ACOT11: variants seen among roughly 807,000 people sequenced by gnomAD.
The protein encoded by ACOT11 is acyl-coenzyme A thioesterase 11.
In ACOT11, 69 loss-of-function variants were observed where a neutral mutation model predicts 77.5. That is an observed-to-expected ratio of 0.89 (90% CI 0.73 to 1.09). The LOEUF is 1.09. ACOT11 is among the 50% of genes least tolerant of loss of function. The probability of loss-of-function intolerance (pLI) is 0.00; values close to 1 mark genes in which losing one functional copy is unlikely to be tolerated. For missense variants in ACOT11, 766 were observed against 813.7 expected (o/e 0.94, Z 0.71); for synonymous variants, 279 against 313.0 (o/e 0.89, Z 1.15).
In ACOT11 at chr1:54,616,332, G is replaced by A. The variant is rs146057570; in HGVS notation, c.1629+8264G>A. Among the ~76,000 whole-genome samples the A allele has an allele frequency of 1.8e-3, 275 of 151,978 alleles. 7 individuals are homozygous for A. Among genetic ancestry groups the A allele is most frequent in the Non-Finnish European group, 1.0e-4 (7 of 67,994 alleles). Reference sequence around the variant, plus strand: ...TTCCATCATAGTTTCACATTTCGATGATTTTTTTTCTTCCATTTTCTTCTA... The same window carrying A: ...TTCCATCATAGTTTCACATTTCGATAATTTTTTTTCTTCCATTTTCTTCTA... On this transcript the variant is annotated intron_variant, in intron 15 of 16. Transcript: ENST00000371316.
At chr1:54,569,123 A>AAT (rs1653845185) in intron 1 of ACOT11, among the ~76,000 whole-genome samples, 3 of 144,326 alleles carry the variant, frequency 2.1e-5, no homozygotes, top group African/African-American at 8.2e-5. Context: ...GAAAAAAAAA[A>AAT]AATAATTTTT....
exon 17 of ACOT11, chr1:54,634,825 T>TC: frequency 3.1e-6 from 2 of 650,342 alleles, no homozygotes; most frequent in South Asian, 3.4e-5. Context: ...TGAGGAGGAC[T>TC]CCAACTATCA....
chr1:54,605,261 G>A lies in ACOT11; in HGVS notation c.1370+52G>A, dbSNP rs745396883. On this transcript the variant is annotated intron_variant, in intron 13 of 15. Coordinates refer to ENST00000343744, the MANE Select transcript of ACOT11 (RefSeq NM_147161.4). ...AGTGTCCCTTCTCCGGCCTGATGAG[G>A]GAGAGAGTGTCTCCTTCTGCGGGTC... 4.4e-6 allele frequency: 7 copies of A among 1,587,366 alleles called. No individual in the cohort carries two copies. The East Asian group carries it at 9.0e-5, about 21-fold the overall frequency.
rs367862997 is a variant in ACOT11 at position 54,585,836 on chromosome 1, G to A, written c.243G>A (p.Ala81=). 2.1e-4 allele frequency: 337 copies of A among 1,613,886 alleles called. No homozygotes were observed. The highest frequency in any genetic ancestry group is 2.7e-4 in the Non-Finnish European group (322 of 1,179,978). The part of the protein sequence containing the change: ...KWIDTTACLS[A]ERHAGCPCVT... ...CTGGCTTTCTTCTGCTGACACCAGC[G>A]GAGAGGCACGCTGGCTGCCCCTGTG... Residue 81 remains alanine, a splice_region_variant and synonymous_variant, in exon 3 of 16, where the codon GCG becomes GCA. Coordinates refer to ENST00000343744, the MANE Select transcript of ACOT11 (RefSeq NM_147161.4).
intron 15 of ACOT11, among the ~76,000 whole-genome samples, chr1:54,622,583 C>CA (rs1326599446): frequency 6.6e-6 from 1 of 150,834 alleles, no homozygotes; most frequent in Admixed American, 6.6e-5. Flanking sequence ...AAAAAAACCA[C>CA]AAAAAATTAG....
intron 3 of ACOT11, among the ~76,000 whole-genome samples, chr1:54,589,711 TC>T (rs1654638244): frequency 6.6e-6 from 1 of 152,120 alleles, no homozygotes; most frequent in African/African-American, 2.4e-5. Context: ...GGTCTCAAAT[TC>T]CTAGCTTCAA....
intron 1 of ACOT11, among the ~76,000 whole-genome samples, chr1:54,566,545 A>G (rs1653739290): frequency 6.6e-6 from 1 of 152,030 alleles, no homozygotes; most frequent in African/African-American, 2.4e-5. Context: ...GCTGTGTAAC[A>G]AACTACCCCG....
intron 3 of ACOT11, 88 bp downstream of exon 3, chr1:54,585,992 C>T: frequency 7.1e-7 from 1 of 1,398,934 alleles, no homozygotes. Context: ...TGGTCAGCGT[C>T]TGTGCTGCCT....
chr1:54,613,243 G>A (rs1644137515), downstream of ACOT11, among the ~76,000 whole-genome samples: 1 of 152,034 alleles, frequency 6.6e-6, no homozygotes, highest in African/African-American at 2.4e-5. Flanking sequence ...GCTGAACGTG[G>A]TGGCGCATGG....
chr1:54,629,051 T>C (rs1569815091), intron 15 of ACOT11, among the ~76,000 whole-genome samples: 2 of 84,220 alleles, frequency 2.4e-5, no homozygotes, highest in South Asian at 4.5e-4. Flanking sequence ...AGAGCAAGAC[T>C]CCGTCTCAAA....
chr1:54,614,581 G>A (rs2101018265), downstream of ACOT11: 2 of 1,014,928 alleles, frequency 2.0e-6, no homozygotes, highest in Admixed American at 6.1e-5. Context: ...AGGCTCAGAG[G>A]TGAGGCTATA....
chr1:54,611,057 T>G (rs887125974), downstream of ACOT11: 1 of 972,190 alleles, frequency 1.0e-6, no homozygotes, highest in Non-Finnish European at 1.2e-6. Flanking sequence ...CTGGGCCACA[T>G]AAAAGCTGAG....
intron 11 of ACOT11, 30 bp from the exon 12 acceptor site, chr1:54,604,316 G>A (rs1300277870): frequency 1.2e-6 from 2 of 1,602,696 alleles, no homozygotes; most frequent in Non-Finnish European, 8.5e-7. Flanking sequence ...AAGGGGGTGG[G>A]GTAGTGGTAG....
chr1:54,553,015 T>TG (rs1475329795), intron 1 of ACOT11, among the ~76,000 whole-genome samples: 1 of 147,468 alleles, frequency 6.8e-6, no homozygotes, highest in African/African-American at 2.5e-5. Context: ...TTAGTAGAGA[T>TG]GGGGTTTCTC....
At chr1:54,603,311 T>A (rs1188006002) in intron 10 of ACOT11, among the ~76,000 whole-genome samples, 1 of 152,226 alleles carries the variant, frequency 6.6e-6, no homozygotes, top group Non-Finnish European at 1.5e-5. Flanking sequence ...ATTGTGCCAT[T>A]GCACTCCAGC....
chr1:54,629,024 A>T (rs1569815051), intron 15 of ACOT11, among the ~76,000 whole-genome samples: 1 of 112,398 alleles, frequency 8.9e-6, no homozygotes, highest in South Asian at 3.1e-4. Context: ...GTACTGCCGC[A>T]CTCCAGCCTG....
intron 15 of ACOT11, among the ~76,000 whole-genome samples, chr1:54,619,086 T>C (rs1644203043): frequency 6.6e-6 from 1 of 152,186 alleles, no homozygotes. Flanking sequence ...GGAAGGAGTT[T>C]GCTTGAGCAG....
rs1644103346 is a variant in ACOT11 at position 54,610,303 on chromosome 1, G to A, written c.*1191G>A. 7.8e-6 allele frequency: 12 copies of A among 1,535,210 alleles called. No individual in the cohort carries two copies. Among genetic ancestry groups the A allele is most frequent in the South Asian group, 2.5e-5 (2 of 78,522 alleles). On this transcript the variant is annotated 3_prime_UTR_variant, in exon 16 of 16. Coordinates refer to ENST00000343744, the MANE Select transcript of ACOT11 (RefSeq NM_147161.4). ...CCCCACCTTGCATCCAGGGTATGGT[G>A]TAAATAAACCTGTGTTGCCATGGCA...
In ACOT11 at chr1:54,597,817, C is replaced by T. The variant is rs191614138; in HGVS notation, c.764+402C>T. The T allele has an allele frequency of 4.1e-3, 794 of 195,134 alleles. 1 individual carries two copies. The highest frequency in any genetic ancestry group is 0.018 in the African/African-American group (752 of 42,422). 12.1% of individuals were successfully genotyped at this position (195,134 alleles called of 1,614,324 possible). On this transcript the variant is annotated intron_variant, in intron 7 of 15. Coordinates refer to ENST00000343744, the MANE Select transcript of ACOT11 (RefSeq NM_147161.4). ...CCTGATGTAGCCTCCTGCCGTGCTT[C>T]CCCTACTCTTCTTTGTCTGCTAATA...
Sources: gnomAD v4.1 joint callset for allele counts (sites outside exome capture counted in the v4.1 genomes callset) on GRCh38, gnomAD v4.1.1 for gene constraint, MANE v1.5 for transcripts, NCBI Gene and HGNC (gene_info 2026-07-23, HGNC 2026-07-21) for gene names.